SHANK1: variants seen among roughly 807,000 people sequenced by gnomAD.
The protein encoded by SHANK1 is SH3 and multiple ankyrin repeat domains 1, also known as SH3 and multiple ankyrin repeat domains protein 1.
In SHANK1, 35 loss-of-function variants were observed where a neutral mutation model predicts 165.6. That is an observed-to-expected ratio of 0.21 (90% CI 0.16 to 0.28). The LOEUF (loss-of-function observed/expected upper bound fraction) is 0.28. SHANK1 is among the 10% of genes least tolerant of loss of function. The probability of loss-of-function intolerance (pLI) is 1.00; values close to 1 mark genes in which losing one functional copy is unlikely to be tolerated. For synonymous variants in SHANK1, 1,428 were observed against 1,384.8 expected, an observed-to-expected ratio of 1.03 and a Z score of -0.69; for missense variants, 2,681 against 3,036.4, an observed-to-expected ratio of 0.88 and a Z score of 2.75.
chr19:50,687,815 G>A (rs1986405887), intron 18 of SHANK1, 108 bp downstream of exon 18: 4 of 1,453,318 alleles, frequency 2.8e-6, no homozygotes, highest in Non-Finnish European at 3.8e-6. Context: ...TCACGGAGAA[G>A]CAGTGCTAGG....
At chr19:50,700,912 A>C (rs764866844) in intron 12 of SHANK1, among the ~76,000 whole-genome samples, 20 of 152,038 alleles carry the variant, frequency 1.3e-4, no homozygotes, top group Non-Finnish European at 2.5e-4. Context: ...CATTCACTCA[A>C]CATATGTGCA....
At chr19:50,672,735 C>T (rs1159336418) in intron 21 of SHANK1, among the ~76,000 whole-genome samples, 3 of 152,054 alleles carry the variant, frequency 2.0e-5, no homozygotes, top group African/African-American at 4.8e-5. Flanking sequence ...CAGTGTTCTC[C>T]GGGATGGAGC....
At chr19:50,698,592 CAG>C (rs1400238426) in intron 12 of SHANK1, among the ~76,000 whole-genome samples, 1 of 138,114 alleles carries the variant, frequency 7.2e-6, no homozygotes, top group African/African-American at 2.6e-5. Context: ...TGCTGAAAAA[CAG>C]AGATATATGA....
rs997882223 is a variant in SHANK1, at chr19:50,660,327, C to G, written c.*1638G>C. 6.6e-6 allele frequency among the ~76,000 whole-genome samples: 1 copy of G among 151,934 alleles called. No homozygotes were observed. The highest frequency in any genetic ancestry group is 1.5e-5 in the Non-Finnish European group (1 of 67,994). Reference sequence around the variant, plus strand: ...GCAATCTTCGTGCAAAAGGGATGGACAGATGGCCCAGGAAAGACAGAAGAG... The same window carrying G: ...GCAATCTTCGTGCAAAAGGGATGGAGAGATGGCCCAGGAAAGACAGAAGAG... On this transcript the variant is annotated 3_prime_UTR_variant, in exon 24 of 24. Transcript: ENST00000293441.
intron 21 of SHANK1, among the ~76,000 whole-genome samples, chr19:50,685,033 C>T (rs1044570674): frequency 6.6e-6 from 1 of 152,228 alleles, no homozygotes; most frequent in Non-Finnish European, 1.5e-5. Context: ...AGCCAAAGGA[C>T]CCAGTTTTAG....
At position 50,666,743 on chromosome 19, in the gene SHANK1, G is replaced by T. The variant is rs989324106; in HGVS notation, c.5217C>A (p.Gly1739=). 4 of 1,562,060 alleles carry T rather than the reference G, an allele frequency of 2.6e-6. No homozygotes were observed. The African/African-American group carries it at 5.4e-5, about 21-fold the overall frequency. The change falls in exon 23 of 24, where the codon GGC becomes GGA. Residue 1739 remains glycine, a synonymous_variant. Transcript: ENST00000293441. The part of the protein sequence containing the change: ...VAYLDGQAFG[G]SSTPGPPYPP... The stretch of plus-strand genomic sequence containing the variant: ...GGTATGGCGGGCCGGGAGTACTGCT[G>T]CCCCCAAAGGCCTGGCCGTCCAGGT...
chr19:50,666,043 A>T, intron 23 of SHANK1, 149 bp downstream of exon 23: 2 of 539,658 alleles, frequency 3.7e-6, no homozygotes, highest in Non-Finnish European at 5.8e-6. Context: ...AAAAAGAAAA[A>T]GAAAATATTT....
intron 23 of SHANK1, 123 bp downstream of exon 23, chr19:50,666,069 T>C: frequency 2.3e-6 from 2 of 858,078 alleles, no homozygotes; most frequent in Non-Finnish European, 3.4e-6. Flanking sequence ...AGCATGCTTC[T>C]GTGACAGCAA....
intron 23 of SHANK1, among the ~76,000 whole-genome samples, chr19:50,665,350 A>G (rs919694024): frequency 2.0e-5 from 3 of 151,980 alleles, no homozygotes; most frequent in East Asian, 3.9e-4. Flanking sequence ...GAATCACCTT[A>G]GGTCAGGAGT....
chr19:50,709,752 C>T (rs773174639), intron 8 of SHANK1, among the ~76,000 whole-genome samples: 43 of 152,112 alleles, frequency 2.8e-4, no homozygotes, highest in Non-Finnish European at 4.7e-4. Context: ...GGTTTTCCCA[C>T]GTTGCCCAGG....
Position 50,719,690 on chromosome 19 carries a change from G to C in SHANK1, c.-328C>G, listed in dbSNP as rs969117141. Among the ~76,000 whole-genome samples the C allele has an allele frequency of 2.1e-5, 3 of 145,904 alleles. No individual in the cohort carries two copies. The highest frequency in any genetic ancestry group is 4.6e-5 in the Non-Finnish European group (3 of 65,888). ...CCCCCGGCTCGGTCCGGCCGGCTCCGGGCGCCGCGTCTCCGCCTGCTCTTC... is the reference window on the plus strand; with the variant it reads ...CCCCCGGCTCGGTCCGGCCGGCTCCCGGCGCCGCGTCTCCGCCTGCTCTTC... On this transcript the variant is annotated 5_prime_UTR_variant, in exon 1 of 24. Transcript: ENST00000293441.
At position 50,686,711 on chromosome 19, in the gene SHANK1, G is replaced by A; in HGVS notation, c.2458+33C>T. On this transcript the variant is annotated intron_variant, in intron 20 of 23. Transcript: ENST00000293441. This position sits in a 1 kb window ranked among gnomAD's most constrained non-coding sequence, Gnocchi z 5.7. ...GCAGCGGGTGCCGGGGCTGGGGCCC[G>A]GCATCCCGAGGAGCAGGGCTGGGCC... 1.9e-6 allele frequency: 3 copies of A among 1,599,276 alleles called. No homozygotes were observed. Among genetic ancestry groups the A allele is most frequent in the Non-Finnish European group, 2.6e-6 (3 of 1,168,032 alleles).
In SHANK1 at chr19:50,661,462, C is replaced by A. The variant is rs902221487; in HGVS notation, c.*503G>T. Among the ~76,000 whole-genome samples, 2 of 129,120 alleles carry A rather than the reference C, an allele frequency of 1.5e-5. No individual in the cohort carries two copies. The highest frequency in any genetic ancestry group is 3.0e-5 in the African/African-American group (1 of 33,258). 84.7% of individuals were successfully genotyped at this position (129,120 alleles called of 152,430 possible). ...AGAGGTGAGCAGGCGTGCAACGGAGCGTGCAAGAGGCTGAGGGGGGCAGCT... is the reference window on the plus strand; with the variant it reads ...AGAGGTGAGCAGGCGTGCAACGGAGAGTGCAAGAGGCTGAGGGGGGCAGCT... On this transcript the variant is annotated 3_prime_UTR_variant, in exon 24 of 24. Coordinates refer to ENST00000293441, the MANE Select transcript of SHANK1 (RefSeq NM_016148.5).
In SHANK1 at chr19:50,669,079, G is replaced by C; in HGVS notation, c.2881C>G (p.Pro961Ala). Residue 961 changes from proline to alanine, a missense_variant, in exon 23 of 24, where the codon CCC becomes GCC. Pro to Ala is a conservative substitution (Grantham distance 27). Around this residue, in one of 10 missense-constraint regions of SHANK1, gnomAD observed 1,713 missense variants for 1,630.2 expected, o/e 1.05. Transcript: ENST00000293441. ...GATGCAGGGGAGGAGGCGGGGAGGG[G>C]GCCACCAGAGCCAGGGTTGAAGGGC... ...GGPFNPGSGG[P>A]LPASSPASFD... 7.8e-7 allele frequency: 1 copy of C among 1,287,310 alleles called. No individual in the cohort carries two copies. Among genetic ancestry groups the C allele is most frequent in the Non-Finnish European group, 1.0e-6 (1 of 957,074 alleles). The allele number at this position is 1,287,310 out of a possible 1,614,324, so 79.7% of individuals were successfully genotyped here. A position where few individuals can be genotyped will look rare whatever the true frequency, so the allele number is the denominator to read the frequency against.
intron 21 of SHANK1, among the ~76,000 whole-genome samples, chr19:50,685,473 CG>C (rs1028082451): frequency 1.3e-5 from 2 of 152,116 alleles, no homozygotes; most frequent in African/African-American, 2.4e-5. Flanking sequence ...CCTGTAATCC[CG>C]GCACTTTGGA....
At position 50,666,544 on chromosome 19, in the gene SHANK1, G is replaced by T; in HGVS notation, c.5416C>A (p.Pro1806Thr). The T allele has an allele frequency of 6.3e-7, 1 of 1,596,962 alleles. No homozygotes were observed. The highest frequency in any genetic ancestry group is 8.5e-7 in the Non-Finnish European group (1 of 1,174,182). ...CCCCCCGCCACGCCTGCCGTGGGGGGTCCTGAACAAGCACGCAGGGCCAGC... is the reference window on the plus strand; with the variant it reads ...CCCCCCGCCACGCCTGCCGTGGGGGTTCCTGAACAAGCACGCAGGGCCAGC... ...GLLALRACSG[P>T]PTAGVAGGPV... is the part of the protein sequence containing the mutation. Residue 1806 changes from proline (P) to threonine (T), a missense_variant, in exon 23 of 24, where the codon CCC (proline) becomes ACC (threonine). Physicochemically the swap from Pro to Thr is conservative, Grantham distance 38 (BLOSUM62 -1). This residue lies in a region of SHANK1 where 1,713 missense variants were observed against 1,630.2 expected (regional missense o/e 1.05). Transcript: ENST00000293441.
At position 50,711,389 on chromosome 19, in the gene SHANK1, G is replaced by A; in HGVS notation, c.1059C>T (p.Ile353=). ...QNASGNTALH[I]CALYNKETCA... ...GGCAGACCTTGTTGTAGAGGGCGCA[G>A]ATGTGCAGAGCCGTGTTCCCCGAGG... is the stretch of plus-strand genomic sequence containing the variant. Residue 353 remains isoleucine, a synonymous_variant, in exon 8 of 24, where the codon ATC becomes ATT. Transcript: ENST00000293441. The A allele has an allele frequency of 1.3e-6, 2 of 1,556,858 alleles. No individual in the cohort carries two copies. The highest frequency in any genetic ancestry group is 1.7e-6 in the Non-Finnish European group (2 of 1,150,004).
At chr19:50,674,841 C>T (rs2123101853) in intron 21 of SHANK1, among the ~76,000 whole-genome samples, 2 of 152,232 alleles carry the variant, frequency 1.3e-5, no homozygotes, top group South Asian at 4.1e-4. Context: ...GTGGGCAGAT[C>T]ACCTGAGGTC....
At chr19:50,685,264 C>A (rs4802733) in intron 21 of SHANK1, among the ~76,000 whole-genome samples, 123,045 of 152,126 alleles carry the variant, frequency 0.81, 50,277 homozygotes, top group Middle Eastern at 0.86. Flanking sequence ...GAGCAGCAGG[C>A]CCCTACCAGG....
Sources: allele counts gnomAD v4.1 joint callset (sites outside exome capture counted in the v4.1 genomes callset), GRCh38; gene constraint gnomAD v4.1.1; regional missense constraint gnomAD v4.1.1; non-coding constraint Gnocchi (gnomAD v3.1); transcripts MANE v1.5; gene names NCBI Gene and HGNC (gene_info 2026-07-23, HGNC 2026-07-21).